Variants in CLEC2L observed in about 807,000 individuals in gnomAD.
CLEC2L encodes the protein C-type lectin domain family 2, member L.
In CLEC2L, 14 loss-of-function variants were observed where a neutral mutation model predicts 23.6. The observed-to-expected ratio is 0.59, with a 90% confidence interval of 0.39 to 0.93. The LOEUF is 0.93. CLEC2L is among the 40% of genes least tolerant of loss of function. CLEC2L has a pLI of 0.00. For missense variants in CLEC2L, 264 were observed against 282.4 expected (o/e 0.93, Z 0.47); for synonymous variants, 114 against 121.3 (o/e 0.94, Z 0.40).
intron 1 of CLEC2L, among the ~76,000 whole-genome samples, chr7:139,530,989 A>T (rs1470511111): frequency 6.6e-6 from 1 of 152,124 alleles, no homozygotes; most frequent in Non-Finnish European, 1.5e-5. Flanking sequence ...ACTCTCATCC[A>T]TCCAAGAGGA....
At chr7:139,534,238 G>C (rs902069443) in intron 1 of CLEC2L, 1 of 1,025,434 alleles carries the variant, frequency 9.8e-7, no homozygotes. Flanking sequence ...AGAGTTTGGC[G>C]CGATGTCTCA....
intron 1 of CLEC2L, among the ~76,000 whole-genome samples, chr7:139,532,560 C>T (rs1489932724): frequency 6.6e-6 from 1 of 152,176 alleles, no homozygotes; most frequent in Non-Finnish European, 1.5e-5. Flanking sequence ...TTATGGCCTG[C>T]ACGTTGGTTT....
intron 3 of CLEC2L, among the ~76,000 whole-genome samples, chr7:139,541,568 A>ATGC (rs933271590): frequency 1.1e-4 from 16 of 152,234 alleles, no homozygotes; most frequent in Non-Finnish European, 2.4e-4. Context: ...CCTTTGATAC[A>ATGC]CAGTATGATA....
rs373984726 is a variant in CLEC2L, at chr7:139,544,256, T to G, written c.559T>G (p.Cys187Gly). 3 of 1,612,840 alleles carry G rather than the reference T, an allele frequency of 1.9e-6. No homozygotes were observed. The African/African-American group carries it at 4.0e-5, about 22-fold the overall frequency. The part of the protein sequence containing the change: ...DTFTIAGPGE[C>G]VFVEPTRLVS... ...GTTCACCATCGCAGGTCCAGGGGAG[T>G]GTGTCTTCGTGGAGCCCACCAGGCT... The change falls in exon 5 of 5, where the codon TGT becomes GGT. Residue 187 changes from cysteine (C) to glycine (G), a missense_variant. Transcript: ENST00000422142.
Position 139,540,292 on chromosome 7 carries a change from G to GGGGGGGGGC in CLEC2L, c.266-29_266-28insGGGGGGGGC. 1 of 928,768 alleles carries GGGGGGGGGC rather than the reference G, an allele frequency of 1.1e-6. No individual in the cohort carries two copies. The allele number at this position is 928,768 out of a possible 1,614,324, so 57.5% of individuals were successfully genotyped here. ...AGTGGGACTCGGGCTGGGGGGGCGGGCAGGGCCGAGCTGGTCTCTTCCCTG... is the reference window on the plus strand; with the variant it reads ...AGTGGGACTCGGGCTGGGGGGGCGGGGGGGGGGGCCAGGGCCGAGCTGGTCTCTTCCCTG... On this transcript the variant is annotated intron_variant, in intron 2 of 4. Coordinates refer to ENST00000422142, the MANE Select transcript of CLEC2L (RefSeq NM_001080511.4). This position sits in a 1 kb window ranked among gnomAD's most constrained non-coding sequence, Gnocchi z 5.8.
At chr7:139,529,281 G>A (rs550091474) in intron 1 of CLEC2L, among the ~76,000 whole-genome samples, 1 of 152,314 alleles carries the variant, frequency 6.6e-6, no homozygotes, top group South Asian at 2.1e-4. Context: ...GAGACAGGTA[G>A]ATATTATCAT....
chr7:139,540,288 G>C lies in CLEC2L; in HGVS notation c.266-33G>C. 6.3e-7 allele frequency: 1 copy of C among 1,575,692 alleles called. No individual in the cohort carries two copies. On this transcript the variant is annotated intron_variant, in intron 2 of 4. Coordinates refer to ENST00000422142, the MANE Select transcript of CLEC2L (RefSeq NM_001080511.4). The surrounding 1 kb of genome is among the most constrained non-coding windows in gnomAD (Gnocchi z 5.8). Reference sequence around the variant, plus strand: ...GCAGAGTGGGACTCGGGCTGGGGGGGCGGGCAGGGCCGAGCTGGTCTCTTC... The same window carrying C: ...GCAGAGTGGGACTCGGGCTGGGGGGCCGGGCAGGGCCGAGCTGGTCTCTTC...
rs369980848 is a variant in CLEC2L at position 139,544,206 on chromosome 7, G to T, written c.534-25G>T. 5 of 1,568,998 alleles carry T rather than the reference G, an allele frequency of 3.2e-6. No individual in the cohort carries two copies. In the African/African-American group the frequency reaches 6.8e-5, roughly 21 times the overall value. On this transcript the variant is annotated intron_variant, in intron 4 of 4. Transcript: ENST00000422142. ...GGGCTGAATGTTCCAGATCATAAACGCCTGGTCTTCTCTCCTGGCCACAGG... is the reference window on the plus strand; with the variant it reads ...GGGCTGAATGTTCCAGATCATAAACTCCTGGTCTTCTCTCCTGGCCACAGG...
intron 1 of CLEC2L, chr7:139,534,334 G>A (rs545977755): frequency 6.6e-4 from 862 of 1,311,586 alleles, no homozygotes; most frequent in Non-Finnish European, 8.6e-4. Flanking sequence ...CATGGAAGGC[G>A]TTTGTAAAAT....
intron 1 of CLEC2L, among the ~76,000 whole-genome samples, chr7:139,535,235 T>C (rs10259935): frequency 0.08 from 12,110 of 152,256 alleles, 852 homozygotes; most frequent in African/African-American, 0.19. Flanking sequence ...TGTGACAACA[T>C]GGATGAGCCT....
At chr7:139,533,463 CT>C (rs1480545017) in intron 1 of CLEC2L, among the ~76,000 whole-genome samples, 4 of 152,320 alleles carry the variant, frequency 2.6e-5, no homozygotes, top group African/African-American at 9.6e-5. Flanking sequence ...TCAATCGATA[CT>C]TCTGCCTCAG....
intron 1 of CLEC2L, among the ~76,000 whole-genome samples, chr7:139,527,946 CT>C: frequency 1.3e-5 from 2 of 152,106 alleles, no homozygotes; most frequent in Non-Finnish European, 2.9e-5. Context: ...CAGCATGGGC[CT>C]TTTTTGGGAT....
chr7:139,530,883 C>T (rs937033310), intron 1 of CLEC2L, among the ~76,000 whole-genome samples: 7 of 150,644 alleles, frequency 4.6e-5, no homozygotes, highest in African/African-American at 1.5e-4. Context: ...ACTAAGCCAA[C>T]ATTTACATAC....
At chr7:139,543,207 A>G (rs1275436866) in intron 4 of CLEC2L, among the ~76,000 whole-genome samples, 1 of 151,922 alleles carries the variant, frequency 6.6e-6, no homozygotes, top group Non-Finnish European at 1.5e-5. Flanking sequence ...CCTTATCTCA[A>G]GCACTCTTCA....
Position 139,523,851 on chromosome 7 carries a change from G to C in CLEC2L, c.-77G>C. On this transcript the variant is annotated 5_prime_UTR_variant, in exon 1 of 5. Transcript: ENST00000422142. This position sits in a 1 kb window ranked among gnomAD's most constrained non-coding sequence, Gnocchi z 4.1. The stretch of plus-strand genomic sequence containing the variant: ...GGCCTGGGGGGCCCGCAGGGCGCGC[G>C]GAGCGCCGAGTGCGCGTCGGGCTGG... The C allele has an allele frequency of 2.1e-6, 2 of 954,442 alleles. No homozygotes were observed. The highest frequency in any genetic ancestry group is 2.5e-6 in the Non-Finnish European group (2 of 804,550). The allele number at this position is 954,442 out of a possible 1,614,324, so 59.1% of individuals were successfully genotyped here. A position where few individuals can be genotyped will look rare whatever the true frequency, so the allele number is the denominator to read the frequency against.
intron 1 of CLEC2L, among the ~76,000 whole-genome samples, chr7:139,530,910 C>T (rs1797572878): frequency 6.6e-6 from 1 of 151,812 alleles, no homozygotes; most frequent in African/African-American, 2.4e-5. Context: ...CTGAGGACAG[C>T]ATCCCAGCCT....
At position 139,540,355 on chromosome 7, in the gene CLEC2L, C is replaced by T; in HGVS notation, c.300C>T (p.Cys100=). 1 of 1,611,702 alleles carries T rather than the reference C, an allele frequency of 6.2e-7. No homozygotes were observed. The highest frequency in any genetic ancestry group is 8.5e-7 in the Non-Finnish European group (1 of 1,179,190). Residue 100 remains cysteine, a synonymous_variant, in exon 3 of 5, where the codon TGC becomes TGT. Coordinates refer to ENST00000422142, the MANE Select transcript of CLEC2L (RefSeq NM_001080511.4). The surrounding 1 kb of genome is among the most constrained non-coding windows in gnomAD (Gnocchi z 5.8). ...GCTGCATCAAGTGCGAAGCGCCCTG[C>T]CCGGAGGACTGGCTGCTCTACGGAA... is the stretch of plus-strand genomic sequence containing the variant. The part of the protein sequence containing the change: ...SKGCIKCEAP[C]PEDWLLYGRK...
intron 1 of CLEC2L, among the ~76,000 whole-genome samples, chr7:139,533,457 TC>T (rs1025593769): frequency 2.7e-4 from 41 of 152,264 alleles, no homozygotes; most frequent in African/African-American, 9.4e-4. Flanking sequence ...CTGAGTTCAA[TC>T]GATACTTCTG....
intron 1 of CLEC2L, chr7:139,534,535 G>A (rs1797625724): frequency 2.6e-6 from 2 of 765,836 alleles, no homozygotes; most frequent in East Asian, 4.9e-5. Flanking sequence ...TCATCGGCAG[G>A]CTCAACAGGC....
Sources: allele counts gnomAD v4.1 joint callset (sites outside exome capture counted in the v4.1 genomes callset), GRCh38; gene constraint gnomAD v4.1.1; non-coding constraint Gnocchi (gnomAD v3.1); transcripts MANE v1.5; gene names NCBI Gene and HGNC (gene_info 2026-07-23, HGNC 2026-07-21).